Variants in EPHA7 observed in about 807,000 individuals in gnomAD.
The protein encoded by EPHA7 is EPH receptor A7.
EPHA7 carries 25 observed loss-of-function variants against 112.6 expected under a neutral mutation model. The observed-to-expected ratio is 0.22, with a 90% confidence interval of 0.16 to 0.31. EPHA7 has a LOEUF of 0.31. Ranked by LOEUF, EPHA7 falls within the 10% of genes least tolerant of loss-of-function variation. The probability of loss-of-function intolerance (pLI) is 1.00; values close to 1 mark genes in which losing one functional copy is unlikely to be tolerated. For missense variants in EPHA7, 962 were observed against 1,212.6 expected (o/e 0.79, Z 3.07); for synonymous variants, 437 against 406.5 (o/e 1.07, Z -0.90).
At chr6:93,375,466 T>A (rs1264325034) in intron 3 of EPHA7, among the ~76,000 whole-genome samples, 1 of 150,004 alleles carries the variant, frequency 6.7e-6, no homozygotes, top group Non-Finnish European at 1.5e-5. Context: ...AAAATAAAAA[T>A]AAAAAAAATA....
intron 5 of EPHA7, among the ~76,000 whole-genome samples, chr6:93,353,191 A>G (rs12206384): frequency 0.052 from 7,878 of 152,168 alleles, 256 homozygotes; most frequent in South Asian, 0.1. Flanking sequence ...CCCTACTTCT[A>G]TATTTTAAAA....
intron 5 of EPHA7, among the ~76,000 whole-genome samples, chr6:93,338,513 G>A (rs974282651): frequency 1.3e-5 from 2 of 151,820 alleles, no homozygotes; most frequent in African/African-American, 4.8e-5. Flanking sequence ...AATAAATCAT[G>A]TTTCTTTTTT....
intron 13 of EPHA7, 109 bp downstream of exon 13, chr6:93,255,719 A>C: frequency 1.3e-5 from 12 of 943,212 alleles, no homozygotes; most frequent in Non-Finnish European, 1.9e-5. Context: ...CAAAATGCTT[A>C]GCTCAATTTG....
intron 5 of EPHA7, among the ~76,000 whole-genome samples, chr6:93,298,764 A>G (rs1197233544): frequency 6.6e-6 from 1 of 152,178 alleles, no homozygotes; most frequent in Non-Finnish European, 1.5e-5. Context: ...ATATTTCTGG[A>G]GGTCAGTTTG....
rs369673415 is a variant in EPHA7 at position 93,387,567 on chromosome 6, T to G, written c.832+22934A>C. ...ACCAACTGACTGTTTTAGTCTGTTT[T>G]CACACTGCTATGAAGAAATAGCCCA... On this transcript the variant is annotated intron_variant, in intron 3 of 16. Transcript: ENST00000369303. Among the ~76,000 whole-genome samples the G allele has an allele frequency of 1.7e-3, 259 of 152,210 alleles. 3 individuals carry two copies. Among genetic ancestry groups the G allele is most frequent in the African/African-American group, 6.1e-3 (254 of 41,544 alleles).
At chr6:93,246,272 G>C (rs1402750324) in intron 15 of EPHA7, among the ~76,000 whole-genome samples, 1 of 151,762 alleles carries the variant, frequency 6.6e-6, no homozygotes, top group Non-Finnish European at 1.5e-5. Flanking sequence ...GGCTGGTCTC[G>C]AACTCCTGAC....
intron 5 of EPHA7, among the ~76,000 whole-genome samples, chr6:93,293,190 T>C (rs1772477474): frequency 6.6e-6 from 1 of 151,614 alleles, no homozygotes; most frequent in South Asian, 2.1e-4. Context: ...TATATAATTT[T>C]TTGTTATTCA....
chr6:93,337,208 A>C (rs1774921573), intron 5 of EPHA7, among the ~76,000 whole-genome samples: 3 of 152,202 alleles, frequency 2.0e-5, no homozygotes. Context: ...ATCCACAAGG[A>C]TAAGGTTGCT....
At chr6:93,293,735 A>C (rs1236005322) in intron 5 of EPHA7, among the ~76,000 whole-genome samples, 3 of 152,220 alleles carry the variant, frequency 2.0e-5, no homozygotes, top group Non-Finnish European at 4.4e-5. Flanking sequence ...TGAGCATCAC[A>C]AACAGTAAAG....
intron 5 of EPHA7, among the ~76,000 whole-genome samples, chr6:93,293,383 G>C (rs974470250): frequency 2.6e-5 from 4 of 152,134 alleles, no homozygotes; most frequent in Admixed American, 1.3e-4. Context: ...AAAATATTTT[G>C]CAATATGAGA....
At chr6:93,349,861 C>T (rs536371263) in intron 5 of EPHA7, among the ~76,000 whole-genome samples, 1 of 151,816 alleles carries the variant, frequency 6.6e-6, no homozygotes, top group South Asian at 2.1e-4. Context: ...AGAAAACAGT[C>T]ACAGTTGAGT....
At chr6:93,320,990 A>G (rs1774041276) in intron 5 of EPHA7, among the ~76,000 whole-genome samples, 1 of 152,022 alleles carries the variant, frequency 6.6e-6, no homozygotes, top group Non-Finnish European at 1.5e-5. Context: ...ATTGCTAAAT[A>G]AAATAGCAGT....
At chr6:93,323,325 G>C in intron 5 of EPHA7, among the ~76,000 whole-genome samples, 1 of 151,308 alleles carries the variant, frequency 6.6e-6, no homozygotes, top group East Asian at 1.9e-4. Flanking sequence ...AAACGTTTTC[G>C]AGTGCATTTA....
intron 3 of EPHA7, among the ~76,000 whole-genome samples, chr6:93,408,295 T>A (rs963690763): frequency 6.6e-6 from 1 of 152,086 alleles, no homozygotes; most frequent in Non-Finnish European, 1.5e-5. Context: ...TTCCTAAAAT[T>A]TTTTGTAACA....
intron 1 of EPHA7, among the ~76,000 whole-genome samples, 187 bp downstream of exon 1, chr6:93,419,058 G>A (rs1044252818): frequency 1.7e-4 from 26 of 152,174 alleles, no homozygotes; most frequent in African/African-American, 4.8e-4. Context: ...TAGGCGGCTC[G>A]GAACAGCCCT....
At chr6:93,397,123 TA>T (rs996140422) in intron 3 of EPHA7, among the ~76,000 whole-genome samples, 2 of 151,760 alleles carry the variant, frequency 1.3e-5, no homozygotes, top group Non-Finnish European at 2.9e-5. Flanking sequence ...ATCATTAAAA[TA>T]AGTATACTTA....
chr6:93,259,506 G>A, intron 9 of EPHA7, 27 bp from the exon 10 acceptor site: 1 of 1,608,802 alleles, frequency 6.2e-7, no homozygotes, highest in Non-Finnish European at 8.5e-7. Flanking sequence ...AAGCATGACT[G>A]TGATGAAGCA....
chr6:93,373,877 T>C (rs1380392266), intron 3 of EPHA7, among the ~76,000 whole-genome samples: 1 of 152,098 alleles, frequency 6.6e-6, no homozygotes, highest in Non-Finnish European at 1.5e-5. Flanking sequence ...CAAAGCTCAT[T>C]TGACATATAC....
chr6:93,372,741 T>A (rs933340616), intron 3 of EPHA7, among the ~76,000 whole-genome samples: 5 of 152,124 alleles, frequency 3.3e-5, no homozygotes, highest in South Asian at 2.1e-4. Flanking sequence ...GTTGATGAAA[T>A]GTGTTGAGTG....
Sources: gnomAD v4.1 joint callset for allele counts (sites outside exome capture counted in the v4.1 genomes callset) on GRCh38, gnomAD v4.1.1 for gene constraint, MANE v1.5 for transcripts, NCBI Gene and HGNC (gene_info 2026-07-23, HGNC 2026-07-21) for gene names.